The following HEXD variants were observed in gnomAD, a reference collection of about 807,000 sequenced individuals.
HEXD encodes hexosaminidase D, also known as N-acetyl-beta-galactosaminidase.
A neutral mutation model predicts 54.2 loss-of-function variants in HEXD; 47 were observed. The ratio of observed to expected loss-of-function variants is 0.87; its 90% confidence interval spans 0.69 to 1.11. HEXD has a LOEUF of 1.11. Among genes scored for constraint, HEXD ranks in the 50% least tolerant of loss-of-function variants. The pLI, the probability that HEXD is intolerant of heterozygous loss-of-function variation, is 0.00. For synonymous variants in HEXD, 293 were observed against 287.6 expected (o/e 1.02, Z -0.19); for missense variants, 576 against 649.2 (o/e 0.89, Z 1.23).
At chr17:82,433,025 C>G (rs548107663) in intron 4 of HEXD, among the ~76,000 whole-genome samples, 4 of 128,966 alleles carry the variant, frequency 3.1e-5, no homozygotes, top group Non-Finnish European at 6.4e-5. Flanking sequence ...GAGATCATGC[C>G]ACTGCACTCC....
intron 2 of HEXD, chr17:82,420,431 A>C (rs1391137069): frequency 6.6e-6 from 1 of 152,352 alleles, no homozygotes; most frequent in Non-Finnish European, 1.5e-5. Flanking sequence ...GCTGACGATC[A>C]CCAGAAGCTA....
At chr17:82,430,440 G>A (rs111344428) in intron 4 of HEXD, among the ~76,000 whole-genome samples, 2,701 of 152,310 alleles carry the variant, frequency 0.018, 33 homozygotes, top group Admixed American at 0.04. Context: ...CCAGGCTGGA[G>A]TGTAGTGGTG....
At chr17:82,436,014 C>A in intron 6 of HEXD, 142 bp downstream of exon 6, 1 of 799,794 alleles carries the variant, frequency 1.3e-6, no homozygotes, top group Non-Finnish European at 2.0e-6. Flanking sequence ...CTCCTGCATC[C>A]CCTTGACGCC....
intron 7 of HEXD, 50 bp from the exon 8 acceptor site, chr17:82,437,118 G>T (rs763081452): frequency 6.6e-5 from 99 of 1,494,864 alleles, no homozygotes; most frequent in Non-Finnish European, 8.5e-5. Context: ...GTCCAGGGCC[G>T]TGTTGGCCGC....
intron 1 of HEXD, 68 bp downstream of exon 1, chr17:82,418,808 C>G (rs2053144251): frequency 6.6e-6 from 1 of 152,428 alleles, no homozygotes; most frequent in Non-Finnish European, 1.5e-5. Flanking sequence ...AGCGTTTCCC[C>G]CGCGCCAGTA....
intron 2 of HEXD, among the ~76,000 whole-genome samples, chr17:82,423,869 G>C (rs1194068182): frequency 6.6e-6 from 1 of 151,456 alleles, no homozygotes; most frequent in African/African-American, 2.4e-5. Context: ...TAAGGGGGAA[G>C]GGACCCCATG....
chr17:82,435,655 G>C lies in HEXD; in HGVS notation c.448-34G>C, dbSNP rs369943648. On this transcript the variant is annotated intron_variant, in intron 5 of 12. Coordinates refer to ENST00000327949, the MANE Select transcript of HEXD (RefSeq NM_001330542.2). ...GACCCTCCCACCGGTGTGCACGGCT[G>C]CCAAGGCAACCCCGTCCTGCTCCTT... 98 of 1,586,620 alleles carry C rather than the reference G, an allele frequency of 6.2e-5. No homozygotes were observed. The African/African-American group carries it at 1.1e-3, about 18-fold the overall frequency.
chr17:82,439,757 G>A (rs757285710), intron 9 of HEXD, 44 bp downstream of exon 9: 23 of 1,598,194 alleles, frequency 1.4e-5, no homozygotes, highest in Middle Eastern at 1.6e-4. Flanking sequence ...GCCCCTCCCC[G>A]AAAGACCCGG....
chr17:82,424,400 C>G lies in HEXD; in HGVS notation c.91C>G (p.Pro31Ala). The G allele has an allele frequency of 6.2e-7, 1 of 1,613,240 alleles. No individual in the cohort carries two copies. Among genetic ancestry groups the G allele is most frequent in the Non-Finnish European group, 8.5e-7 (1 of 1,179,236 alleles). ...CTCCCTGTTTACCCCCCAGATTTTTCCTCTGTTCCGTGCGCTAGGTGCAAA... is the reference window on the plus strand; with the variant it reads ...CTCCCTGTTTACCCCCCAGATTTTTGCTCTGTTCCGTGCGCTAGGTGCAAA... Reference protein sequence around the residue: ...PKVSYLSEIFPLFRALGANGL... With the variant: ...PKVSYLSEIFALFRALGANGL... Residue 31 changes from proline (P) to alanine (A), a missense_variant, in exon 3 of 13, where the codon CCT (proline) becomes GCT (alanine). Transcript: ENST00000327949.
In HEXD at chr17:82,441,812, C is replaced by G; in HGVS notation, c.1176C>G (p.Gly392=). The part of the protein sequence containing the change: ...ALLEGNRYVT[G]WFSPYHRQRK... ...GGATTTGCCCCAGGTATGTCACTGG[C>G]TGGTTCAGCCCCTACCACCGCCAGC... Residue 392 remains glycine, a synonymous_variant, in exon 12 of 13, where the codon GGC becomes GGG. Coordinates refer to ENST00000327949, the MANE Select transcript of HEXD (RefSeq NM_001330542.2). The G allele has an allele frequency of 6.2e-7, 1 of 1,613,042 alleles. No individual in the cohort carries two copies.
chr17:82,433,548 G>T (rs1407148499), intron 4 of HEXD, 110 bp from the exon 5 acceptor site: 2 of 1,116,412 alleles, frequency 1.8e-6, no homozygotes, highest in East Asian at 6.0e-5. Flanking sequence ...TCTCTGCCTG[G>T]CCTAATTTTT....
intron 7 of HEXD, 187 bp downstream of exon 7, chr17:82,436,925 C>T (rs2053786217): frequency 1.6e-6 from 1 of 629,856 alleles, no homozygotes; most frequent in Non-Finnish European, 2.8e-6. Context: ...TGCCTCACCT[C>T]CCTCCCTGTT....
intron 3 of HEXD, 61 bp downstream of exon 3, chr17:82,424,564 C>T (rs1461535405): frequency 1.6e-6 from 2 of 1,236,516 alleles, no homozygotes; most frequent in Non-Finnish European, 2.4e-6. Context: ...GGGGGTTCCG[C>T]AGGGCAGGAG....
intron 4 of HEXD, among the ~76,000 whole-genome samples, chr17:82,433,077 G>GAAGA (rs1420632605): frequency 1.3e-4 from 1 of 7,832 alleles, no homozygotes; most frequent in African/African-American, 7.4e-4. Context: ...AAAAAAAAAA[G>GAAGA]AAAAAAAAAA....
chr17:82,419,715 G>A, intron 1 of HEXD, 34 bp from the exon 2 acceptor site: 2 of 794,192 alleles, frequency 2.5e-6, no homozygotes, highest in South Asian at 1.5e-5. Flanking sequence ...AGAAGCTTCT[G>A]CCCCTGTTGA....
At chr17:82,430,287 T>A (rs1254233416) in intron 4 of HEXD, among the ~76,000 whole-genome samples, 3 of 152,204 alleles carry the variant, frequency 2.0e-5, no homozygotes, top group African/African-American at 7.2e-5. Context: ...ACAGAAATGT[T>A]CTCTCAGCCC....
At chr17:82,440,700 C>T (rs956732334) in intron 9 of HEXD, 8 of 464,104 alleles carry the variant, frequency 1.7e-5, no homozygotes, top group East Asian at 8.7e-5. Context: ...CTGTGTGGGT[C>T]GGGCTGCGCC....
intron 7 of HEXD, 129 bp from the exon 8 acceptor site, chr17:82,437,039 C>T (rs2053790261): frequency 1.2e-6 from 1 of 837,490 alleles, no homozygotes; most frequent in African/African-American, 1.7e-5. Context: ...GAGTCTCCTA[C>T]ACTGAGACCC....
In HEXD at chr17:82,442,005, C is replaced by T. The variant is rs2143655595; in HGVS notation, c.1253+116C>T. ...GGTGAGCCCCTAGTTGTAAAAGGCC[C>T]TCTGGTCTCAGATGTGCAGCTGTCA... is the stretch of plus-strand genomic sequence containing the variant. On this transcript the variant is annotated intron_variant, in intron 12 of 12. Coordinates refer to ENST00000327949, the MANE Select transcript of HEXD (RefSeq NM_001330542.2). This position sits in a 1 kb window ranked among gnomAD's most constrained non-coding sequence, Gnocchi z 6.8. 5 of 1,319,610 alleles carry T rather than the reference C, an allele frequency of 3.8e-6. No homozygotes were observed. The highest frequency in any genetic ancestry group is 1.4e-5 in the African/African-American group (1 of 69,194). The allele number at this position is 1,319,610 out of a possible 1,614,324, so 81.7% of individuals were successfully genotyped here.
Sources: allele counts gnomAD v4.1 joint callset (sites outside exome capture counted in the v4.1 genomes callset), GRCh38; gene constraint gnomAD v4.1.1; non-coding constraint Gnocchi (gnomAD v3.1); transcripts MANE v1.5; gene names NCBI Gene and HGNC (gene_info 2026-07-23, HGNC 2026-07-21).